CBL: variants seen among roughly 807,000 people sequenced by gnomAD.
CBL encodes the protein Cbl proto-oncogene.
In CBL, 45 loss-of-function variants were observed where a neutral mutation model predicts 96.9. The observed-to-expected ratio is 0.46, with a 90% confidence interval of 0.37 to 0.60. The LOEUF is 0.60. Among genes scored for constraint, CBL ranks in the 20% least tolerant of loss-of-function variants. The pLI, the probability that CBL is intolerant of heterozygous loss-of-function variation, is 0.00. For synonymous variants in CBL, 420 were observed against 426.8 expected (o/e 0.98, Z 0.20); for missense variants, 1,024 against 1,143.5 (o/e 0.90, Z 1.51).
intron 1 of CBL, among the ~76,000 whole-genome samples, chr11:119,229,816 C>T (rs1187677966): frequency 6.6e-6 from 1 of 151,918 alleles, no homozygotes; most frequent in Non-Finnish European, 1.5e-5. Context: ...CAACTTCCAC[C>T]TCCTGGGTTC....
chr11:119,303,888 G>T lies in CBL; in HGVS notation c.*4107G>T, dbSNP rs934839455. On this transcript the variant is annotated 3_prime_UTR_variant, in exon 16 of 16. Coordinates refer to ENST00000264033, the MANE Select transcript of CBL (RefSeq NM_005188.4). ...AATCCCCCTTGTTGGGAGGATTTTC[G>T]TATCACCCTTATGGGACCTGTCACC... The T allele has an allele frequency of 8.6e-6, 2 of 233,474 alleles. No individual in the cohort carries two copies. The highest frequency in any genetic ancestry group is 5.6e-5 in the Admixed American group (1 of 17,768). 14.5% of individuals were successfully genotyped at this position (233,474 alleles called of 1,614,324 possible).
chr11:119,212,240 T>G, intron 1 of CBL, among the ~76,000 whole-genome samples: 1 of 152,100 alleles, frequency 6.6e-6, no homozygotes, highest in East Asian at 1.9e-4. Flanking sequence ...AACATTAAGG[T>G]ATTGGTGATT....
At chr11:119,228,571 A>G (rs1592375651) in intron 1 of CBL, among the ~76,000 whole-genome samples, 1 of 150,158 alleles carries the variant, frequency 6.7e-6, no homozygotes. Flanking sequence ...GCACCATTGC[A>G]CTCCAGCCTG....
chr11:119,295,572 T>G (rs1176504736), intron 12 of CBL, among the ~76,000 whole-genome samples: 1 of 151,990 alleles, frequency 6.6e-6, no homozygotes, highest in African/African-American at 2.4e-5. Context: ...AAAAAAAATT[T>G]TTTTTAATTA....
At chr11:119,211,053 G>A (rs1171215363) in intron 1 of CBL, among the ~76,000 whole-genome samples, 3 of 152,118 alleles carry the variant, frequency 2.0e-5, no homozygotes, top group Non-Finnish European at 4.4e-5. Context: ...TGTAGTAAAA[G>A]TTATATAAAT....
chr11:119,247,809 C>T (rs911967793), intron 2 of CBL, among the ~76,000 whole-genome samples: 22 of 151,988 alleles, frequency 1.4e-4, no homozygotes, highest in African/African-American at 5.3e-4. Context: ...AAGGGTCCGT[C>T]TCAAATAAAA....
In CBL at chr11:119,278,706, G is replaced by A. The variant is rs200054267; in HGVS notation, c.1424G>A (p.Gly475Asp). The A allele has an allele frequency of 2.5e-6, 4 of 1,613,990 alleles. No homozygotes were observed. Among genetic ancestry groups the A allele is most frequent in the South Asian group, 1.1e-5 (1 of 91,070 alleles). ...CTCTTCATGATGAAGGAATTGGCTG[G>A]TGCCAAGGTAAGATGGCAGTTTAGG... Reference protein sequence around the residue: ...DTLFMMKELAGAKVERPPSPF... With the variant: ...DTLFMMKELADAKVERPPSPF... The change falls in exon 9 of 16, where the codon GGT becomes GAT. Residue 475 changes from glycine (G) to aspartate (D), a missense_variant. Gly to Asp is a moderately conservative substitution (Grantham distance 94, BLOSUM62 -1). Around this residue, in one of 4 missense-constraint regions of CBL, gnomAD observed 695 missense variants for 661.6 expected, o/e 1.05. Coordinates refer to ENST00000264033, the MANE Select transcript of CBL (RefSeq NM_005188.4).
At chr11:119,207,729 C>T (rs531369045) in intron 1 of CBL, among the ~76,000 whole-genome samples, 5 of 152,222 alleles carry the variant, frequency 3.3e-5, no homozygotes, top group Admixed American at 6.5e-5. Context: ...TGACAAAATT[C>T]ATATTGCGTA....
chr11:119,224,287 T>G (rs1949437239), intron 1 of CBL, among the ~76,000 whole-genome samples: 1 of 152,188 alleles, frequency 6.6e-6, no homozygotes, highest in Non-Finnish European at 1.5e-5. Flanking sequence ...TAGTTTAGTT[T>G]TTTGTTGTTG....
At chr11:119,222,021 T>C (rs1436621128) in intron 1 of CBL, among the ~76,000 whole-genome samples, 17 of 152,224 alleles carry the variant, frequency 1.1e-4, no homozygotes, top group East Asian at 1.9e-4. Flanking sequence ...AGGAGGTTAA[T>C]ATTCATCCTT....
At chr11:119,273,649 A>T (rs1949865380) in intron 3 of CBL, among the ~76,000 whole-genome samples, 1 of 152,148 alleles carries the variant, frequency 6.6e-6, no homozygotes, top group Non-Finnish European at 1.5e-5. Context: ...CAGTCTGCCC[A>T]CTTTGGCCTC....
Position 119,299,834 on chromosome 11 carries a change from C to A in CBL, c.*53C>A. On this transcript the variant is annotated 3_prime_UTR_variant, in exon 16 of 16. Transcript: ENST00000264033. ...AGGACCAGTGAGTTGGGAGTTATTA[C>A]TCAAGTGGCACCTAGAAGGGCAGGA... is the stretch of plus-strand genomic sequence containing the variant. 1 of 1,577,756 alleles carries A rather than the reference C, an allele frequency of 6.3e-7. No homozygotes were observed. Among genetic ancestry groups the A allele is most frequent in the Non-Finnish European group, 8.7e-7 (1 of 1,151,612 alleles).
chr11:119,298,659 T>A, intron 15 of CBL, 119 bp downstream of exon 15: 2 of 898,768 alleles, frequency 2.2e-6, no homozygotes, highest in Non-Finnish European at 3.7e-6. Flanking sequence ...AAACATTATG[T>A]CTAAATGGGA....
rs373212940 is a variant in CBL at position 119,206,522 on chromosome 11, GCACCACCACCAC to G, written c.116_127del (p.His39_His42del). On this transcript the variant is annotated inframe_deletion, in exon 1 of 16. Coordinates refer to ENST00000264033, the MANE Select transcript of CBL (RefSeq NM_005188.4). The stretch of plus-strand genomic sequence containing the variant: ...GGCTCATGAAGGACGCCTTCCAGCC[GCACCACCACCAC>G]CACCACCACCTCAGCCCCCACCCGC... 1.9e-6 allele frequency: 3 copies of G among 1,556,500 alleles called. No homozygotes were observed. The highest frequency in any genetic ancestry group is 2.4e-5 in the South Asian group (2 of 84,726).
chr11:119,229,465 G>A (rs1223162961), intron 1 of CBL, among the ~76,000 whole-genome samples: 1 of 152,122 alleles, frequency 6.6e-6, no homozygotes, highest in Non-Finnish European at 1.5e-5. Context: ...TATATATGGG[G>A]CTAGCTGGAT....
At chr11:119,213,149 C>T (rs1346017169) in intron 1 of CBL, among the ~76,000 whole-genome samples, 1 of 152,078 alleles carries the variant, frequency 6.6e-6, no homozygotes, top group Non-Finnish European at 1.5e-5. Flanking sequence ...TATTTCCTTC[C>T]TTCTAACTTT....
intron 12 of CBL, among the ~76,000 whole-genome samples, chr11:119,288,977 CTTTAA>C (rs1217801322): frequency 2.6e-5 from 4 of 152,262 alleles, no homozygotes; most frequent in Admixed American, 6.5e-5. Context: ...GTAATTTCTT[CTTTAA>C]TTTATGAGTT....
intron 9 of CBL, among the ~76,000 whole-genome samples, chr11:119,280,963 C>T (rs1033847182): frequency 1.3e-5 from 2 of 152,128 alleles, no homozygotes; most frequent in African/African-American, 2.4e-5. Context: ...TCTGCTTTTC[C>T]TGGTATAATT....
At chr11:119,273,211 C>A (rs1397890587) in intron 3 of CBL, among the ~76,000 whole-genome samples, 2 of 152,104 alleles carry the variant, frequency 1.3e-5, no homozygotes, top group Non-Finnish European at 2.9e-5. Context: ...TTCCCCCTGG[C>A]CTCTCAAAGT....
Sources: allele counts gnomAD v4.1 joint callset (sites outside exome capture counted in the v4.1 genomes callset), GRCh38; gene constraint gnomAD v4.1.1; regional missense constraint gnomAD v4.1.1; transcripts MANE v1.5; gene names NCBI Gene and HGNC (gene_info 2026-07-23, HGNC 2026-07-21).